The following KLF3 variants were observed in gnomAD, a reference collection of about 807,000 sequenced individuals.
The protein encoded by KLF3 is KLF transcription factor 3, also known as Krueppel-like factor 3.
A neutral mutation model predicts 32.7 loss-of-function variants in KLF3; 6 were observed. The observed-to-expected ratio is 0.18, with a 90% CI of 0.10 to 0.36. The LOEUF is 0.36. KLF3 is among the 10% of genes least tolerant of loss of function. The pLI is 1.00. For missense variants in KLF3, 338 were observed against 449.7 expected, an observed-to-expected ratio of 0.75 and a Z score of 2.25; for synonymous variants, 145 against 172.8, an observed-to-expected ratio of 0.84 and a Z score of 1.26.
rs11429183 is a variant in KLF3, at chr4:38,675,390, T to TCC, written c.-39-5190_-39-5189dup. Among the ~76,000 whole-genome samples the TCC allele has an allele frequency of 8.3e-3, 1,262 of 151,516 alleles. 19 individuals carry two copies. The highest frequency in any genetic ancestry group is 0.027 in the African/African-American group (1,124 of 41,292). ...TTTTTCATAAAAACAATTTTGCCCT[T>TCC]CCCCCCCCTTTTGGATGCAGTTTTG... On this transcript the variant is annotated intron_variant, in intron 1 of 5. Transcript: ENST00000261438.
rs1179711174 is a variant in KLF3 at position 38,700,019 on chromosome 4, T to TA, written c.*2757dup. On this transcript the variant is annotated 3_prime_UTR_variant, in exon 6 of 6. Transcript: ENST00000261438. ...TGATTTGTAAACATGAAGTTACTAT[T>TA]ACGTAAATTCTGTTTGTTATAGAGT... The TA allele has an allele frequency of 5.3e-5, 8 of 152,260 alleles. No homozygotes were observed. The highest frequency in any genetic ancestry group is 1.0e-4 in the Non-Finnish European group (7 of 68,044). The allele number at this position is 152,260 out of a possible 1,614,324, so 9.4% of individuals were successfully genotyped here.
intron 1 of KLF3, among the ~76,000 whole-genome samples, chr4:38,667,233 T>C (rs1031330949): frequency 2.6e-5 from 4 of 152,178 alleles, no homozygotes; most frequent in Non-Finnish European, 5.9e-5. Flanking sequence ...TCTCTGTGCT[T>C]TCTCTCCAGC....
intron 1 of KLF3, among the ~76,000 whole-genome samples, chr4:38,678,931 G>C (rs2109244082): frequency 6.6e-6 from 1 of 152,340 alleles, no homozygotes; most frequent in East Asian, 1.9e-4. Context: ...AGTGTGTCTA[G>C]TAGCAGGACA....
At chr4:38,697,019 A>G (rs1163491970) in intron 5 of KLF3, 63 bp from the exon 6 acceptor site, 2 of 1,347,574 alleles carry the variant, frequency 1.5e-6, no homozygotes, top group Admixed American at 4.6e-5. Context: ...TCAAGCATTA[A>G]CTCAAAGATC....
At chr4:38,689,221 C>T (rs901205149) in intron 3 of KLF3, 150 bp downstream of exon 3, 4 of 987,662 alleles carry the variant, frequency 4.0e-6, no homozygotes, top group Non-Finnish European at 5.8e-6. Flanking sequence ...CCCCCGCCCC[C>T]CCAAAGTGTT....
At chr4:38,684,494 T>C (rs766531822) in intron 2 of KLF3, among the ~76,000 whole-genome samples, 6 of 151,724 alleles carry the variant, frequency 4.0e-5, no homozygotes, top group Non-Finnish European at 8.8e-5. Context: ...ATAACTCTTA[T>C]AGCAGATCAG....
intron 4 of KLF3, among the ~76,000 whole-genome samples, chr4:38,691,228 A>C (rs1722868388): frequency 6.6e-6 from 1 of 152,162 alleles, no homozygotes; most frequent in Admixed American, 6.5e-5. Flanking sequence ...CTAACAACTG[A>C]GGGGCCTTGG....
chr4:38,699,135 GA>G lies in KLF3; in HGVS notation c.*1875del, dbSNP rs1339690333. On this transcript the variant is annotated 3_prime_UTR_variant, in exon 6 of 6. Coordinates refer to ENST00000261438, the MANE Select transcript of KLF3 (RefSeq NM_016531.6). ...AAGAAATGTAGTTAAGAAATGCAAA[GA>G]AATGTGTTATCTTGGCACTTGGGTT... 1 of 152,166 alleles carries G rather than the reference GA, an allele frequency of 6.6e-6. No homozygotes were observed. The highest frequency in any genetic ancestry group is 2.4e-5 in the African/African-American group (1 of 41,440). 9.4% of individuals were successfully genotyped at this position (152,166 alleles called of 1,614,324 possible). A position where few individuals can be genotyped will look rare whatever the true frequency, so the allele number is the denominator to read the frequency against.
chr4:38,690,627 A>T (rs559408734), intron 4 of KLF3: 41 of 152,310 alleles, frequency 2.7e-4, no homozygotes, highest in African/African-American at 9.6e-4. Flanking sequence ...GTCTTGTGTT[A>T]TGGTGCTTCA....
At chr4:38,679,786 G>C (rs954807760) in intron 1 of KLF3, among the ~76,000 whole-genome samples, 8 of 152,178 alleles carry the variant, frequency 5.3e-5, no homozygotes, top group Admixed American at 5.2e-4. Flanking sequence ...TAAATACCAT[G>C]TACACTATGA....
chr4:38,687,410 T>C (rs7685520), intron 2 of KLF3, among the ~76,000 whole-genome samples: 38,320 of 152,224 alleles, frequency 0.25, 6,023 homozygotes, highest in Non-Finnish European at 0.36. Flanking sequence ...GTGAACTCCA[T>C]GGTCAAGGAT....
chr4:38,666,858 A>G (rs1175790010), intron 1 of KLF3, among the ~76,000 whole-genome samples: 1 of 152,194 alleles, frequency 6.6e-6, no homozygotes, highest in Non-Finnish European at 1.5e-5. Context: ...CTGAATTCCT[A>G]ACAGCAGTGC....
intron 4 of KLF3, chr4:38,690,495 G>C (rs1456845367): frequency 6.6e-6 from 1 of 152,248 alleles, no homozygotes; most frequent in Non-Finnish European, 1.5e-5. Flanking sequence ...TAGTTGCTAA[G>C]AAGATGGTTT....
intron 2 of KLF3, among the ~76,000 whole-genome samples, chr4:38,681,916 C>T (rs1722538160): frequency 6.6e-6 from 1 of 152,140 alleles, no homozygotes; most frequent in African/African-American, 2.4e-5. Flanking sequence ...TATTACTAAG[C>T]CAGTAAAGTG....
chr4:38,700,647 G>A lies in KLF3; in HGVS notation c.*3384G>A, dbSNP rs1363312719. ...TCTGTTATGTACTTAGTGTTAGAGG[G>A]TCAAAATAATCTTTCTGCTTAGCAT... On this transcript the variant is annotated 3_prime_UTR_variant, in exon 6 of 6. Transcript: ENST00000261438. 1 of 152,118 alleles carries A rather than the reference G, an allele frequency of 6.6e-6. No homozygotes were observed. Among genetic ancestry groups the A allele is most frequent in the Non-Finnish European group, 1.5e-5 (1 of 68,010 alleles). 9.4% of individuals were successfully genotyped at this position (152,118 alleles called of 1,614,324 possible).
chr4:38,669,267 A>G (rs1722131010), intron 1 of KLF3, among the ~76,000 whole-genome samples: 1 of 152,160 alleles, frequency 6.6e-6, no homozygotes, highest in Non-Finnish European at 1.5e-5. Context: ...ATTGATATCT[A>G]GTTTGCTAGT....
At chr4:38,666,850 G>T (rs1416990137) in intron 1 of KLF3, among the ~76,000 whole-genome samples, 1 of 152,188 alleles carries the variant, frequency 6.6e-6, no homozygotes, top group East Asian at 1.9e-4. Flanking sequence ...ATTGTAATCT[G>T]AATTCCTAAC....
chr4:38,670,767 C>T (rs1722176591), intron 1 of KLF3, among the ~76,000 whole-genome samples: 1 of 152,250 alleles, frequency 6.6e-6, no homozygotes, highest in East Asian at 1.9e-4. Flanking sequence ...CCATGTAGGA[C>T]ACCTGGTGTA....
intron 4 of KLF3, among the ~76,000 whole-genome samples, chr4:38,694,123 T>C (rs1393090927): frequency 2.0e-5 from 3 of 152,210 alleles, no homozygotes; most frequent in African/African-American, 7.2e-5. Context: ...AACTTTTTTG[T>C]TGTTTTTTGG....
Sources: allele counts gnomAD v4.1 joint callset (sites outside exome capture counted in the v4.1 genomes callset), GRCh38; gene constraint gnomAD v4.1.1; transcripts MANE v1.5; gene names NCBI Gene and HGNC (gene_info 2026-07-23, HGNC 2026-07-21).